The following PAPOLG variants were observed in gnomAD, a reference collection of about 807,000 sequenced individuals.
PAPOLG encodes PAP-gamma.
Under a neutral mutation model 99.0 loss-of-function variants are expected in PAPOLG, and 40 were observed. The observed-to-expected ratio is 0.40, with a 90% CI of 0.31 to 0.53. The LOEUF (loss-of-function observed/expected upper bound fraction) is 0.53, where lower values mean the gene tolerates loss of function less well. Among genes scored for constraint, PAPOLG ranks in the 20% least tolerant of loss-of-function variants. PAPOLG has a pLI of 0.41. For missense variants in PAPOLG, 675 were observed against 884.1 expected (o/e 0.76, Z 3.00); for synonymous variants, 310 against 299.3 (o/e 1.04, Z -0.37).
chr2:60,795,376 T>C (rs1473759376), intron 21 of PAPOLG: 9 of 441,288 alleles, frequency 2.0e-5, no homozygotes, highest in Non-Finnish European at 4.0e-5. Flanking sequence ...TGCCAAAACA[T>C]AGGTTTGATA....
rs1402139230 is a variant in PAPOLG, at chr2:60,760,154, A to G, written c.38A>G (p.Gln13Arg). ...AACAGAAACACCGTGCTGGACAGCC[A>G]GCGTCAACAAAAGCATTATGGAATT... ...EMSANTVLDS[Q>R]RQQKHYGITS... is the part of the protein sequence containing the mutation. Residue 13 changes from glutamine to arginine, a missense_variant, in exon 2 of 22, where the codon CAG (glutamine) becomes CGG (arginine). By Grantham distance (43) the Gln-to-Arg change is conservative. Transcript: ENST00000238714. 1 of 1,613,998 alleles carries G rather than the reference A, an allele frequency of 6.2e-7. No individual in the cohort carries two copies. The highest frequency in any genetic ancestry group is 8.5e-7 in the Non-Finnish European group (1 of 1,179,998).
Position 60,797,190 on chromosome 2 carries a change from G to A in PAPOLG, c.*30G>A, listed in dbSNP as rs1158376311. The A allele has an allele frequency of 6.2e-7, 1 of 1,611,676 alleles. No individual in the cohort carries two copies. The highest frequency in any genetic ancestry group is 1.7e-5 in the Admixed American group (1 of 59,914). Reference sequence around the variant, plus strand: ...AGTGCCTCCTCACTTAAGTGAACAAGCAATCATTTAGTGGCATAGATGCAG... The same window carrying A: ...AGTGCCTCCTCACTTAAGTGAACAAACAATCATTTAGTGGCATAGATGCAG... On this transcript the variant is annotated 3_prime_UTR_variant, in exon 22 of 22. Coordinates refer to ENST00000238714, the MANE Select transcript of PAPOLG (RefSeq NM_022894.4).
intron 3 of PAPOLG, among the ~76,000 whole-genome samples, chr2:60,767,688 C>T (rs1670722188): frequency 6.6e-6 from 1 of 152,112 alleles, no homozygotes; most frequent in African/African-American, 2.4e-5. Flanking sequence ...AGGAATGACT[C>T]CGTTCTTACA....
intron 3 of PAPOLG, among the ~76,000 whole-genome samples, chr2:60,762,799 G>T (rs1670558904): frequency 6.6e-6 from 1 of 151,572 alleles, no homozygotes; most frequent in South Asian, 2.1e-4. Flanking sequence ...GCTAATTTTT[G>T]TATTTTTAGT....
At chr2:60,758,537 C>T (rs1200328966) in intron 1 of PAPOLG, among the ~76,000 whole-genome samples, 1 of 151,106 alleles carries the variant, frequency 6.6e-6, no homozygotes, top group East Asian at 1.9e-4. Context: ...AAGCGAATCT[C>T]CTGCCTCAGC....
intron 7 of PAPOLG, 41 bp downstream of exon 7, chr2:60,771,671 C>G (rs368404299): frequency 7.6e-5 from 120 of 1,572,756 alleles, no homozygotes; most frequent in Non-Finnish European, 9.1e-5. Flanking sequence ...TGCTTCAGAA[C>G]AATTAGAGAA....
intron 21 of PAPOLG, among the ~76,000 whole-genome samples, chr2:60,796,234 TGG>T (rs1450180466): frequency 1.5e-4 from 14 of 94,378 alleles, no homozygotes; most frequent in Admixed American, 2.1e-4. Context: ...TTTTTTTTTT[TGG>T]ACATGGAGGC....
At chr2:60,789,963 G>A (rs554299384) in intron 15 of PAPOLG, among the ~76,000 whole-genome samples, 2 of 152,214 alleles carry the variant, frequency 1.3e-5, no homozygotes, top group South Asian at 4.1e-4. Flanking sequence ...GTGTGGTGGC[G>A]GGTGCCTGTA....
In PAPOLG at chr2:60,797,109, A is replaced by T. The variant is rs1558726334; in HGVS notation, c.2160A>T (p.Ala720=). Residue 720 remains alanine, a synonymous_variant, in exon 22 of 22, where the codon GCA becomes GCT. Transcript: ENST00000238714. ...ELPDSSSPVP[A]NNIRVIKNSI... ...CAGATTCATCATCTCCAGTTCCAGC[A>T]AACAACATCCGTGTCATCAAAAATT... 1 of 1,614,110 alleles carries T rather than the reference A, an allele frequency of 6.2e-7. No homozygotes were observed. Among genetic ancestry groups the T allele is most frequent in the African/African-American group, 1.3e-5 (1 of 75,062 alleles).
chr2:60,776,573 A>G (rs1008982340), intron 8 of PAPOLG, among the ~76,000 whole-genome samples: 2 of 151,934 alleles, frequency 1.3e-5, no homozygotes, highest in African/African-American at 4.8e-5. Flanking sequence ...AATTACAGGC[A>G]TGTGCCACCA....
At chr2:60,796,938 A>G in intron 21 of PAPOLG, 124 bp from the exon 22 acceptor site, 1 of 1,174,396 alleles carries the variant, frequency 8.5e-7, no homozygotes. Context: ...TGCATACTTG[A>G]GTGTTTAGGA....
intron 13 of PAPOLG, 62 bp from the exon 14 acceptor site, chr2:60,786,885 T>C: frequency 6.4e-7 from 1 of 1,556,664 alleles, no homozygotes; most frequent in East Asian, 2.3e-5. Context: ...TTTGGTTTAC[T>C]TGAGTGTAGC....
intron 19 of PAPOLG, 136 bp downstream of exon 19, chr2:60,794,327 A>G (rs1312086154): frequency 2.2e-6 from 2 of 894,320 alleles, no homozygotes; most frequent in African/African-American, 3.4e-5. Flanking sequence ...TTAAAGAAAC[A>G]ATATTAATTG....
chr2:60,774,405 G>T (rs1177530015), intron 7 of PAPOLG, among the ~76,000 whole-genome samples: 13 of 144,446 alleles, frequency 9.0e-5, no homozygotes. Flanking sequence ...TCACTCTATT[G>T]CCCAGGCTGG....
chr2:60,795,549 T>A (rs556919836), intron 21 of PAPOLG, among the ~76,000 whole-genome samples: 1 of 152,148 alleles, frequency 6.6e-6, no homozygotes, highest in Non-Finnish European at 1.5e-5. Flanking sequence ...TTAAGTGTGG[T>A]ATGCTAAAAA....
intron 13 of PAPOLG, among the ~76,000 whole-genome samples, chr2:60,784,064 C>G (rs930111777): frequency 1.3e-5 from 2 of 152,222 alleles, no homozygotes; most frequent in African/African-American, 4.8e-5. Flanking sequence ...ACCTCCGCCT[C>G]CCGGGTTCAA....
intron 13 of PAPOLG, among the ~76,000 whole-genome samples, chr2:60,784,121 C>T (rs1473890023): frequency 6.6e-6 from 1 of 152,020 alleles, no homozygotes; most frequent in Admixed American, 6.6e-5. Context: ...TACAAGCACC[C>T]ACCACCACGC....
intron 1 of PAPOLG, among the ~76,000 whole-genome samples, chr2:60,758,153 A>G (rs912031462): frequency 3.9e-5 from 6 of 152,172 alleles, no homozygotes; most frequent in African/African-American, 1.4e-4. Flanking sequence ...CACTTACCGT[A>G]TATATTTACA....
intron 2 of PAPOLG, among the ~76,000 whole-genome samples, chr2:60,760,606 G>A (rs991350992): frequency 6.6e-6 from 1 of 152,176 alleles, no homozygotes; most frequent in Admixed American, 6.6e-5. Context: ...AGATGAAGGA[G>A]GGAGCCATGT....
Sources: gnomAD v4.1 joint callset for allele counts (sites outside exome capture counted in the v4.1 genomes callset) on GRCh38, gnomAD v4.1.1 for gene constraint, MANE v1.5 for transcripts, NCBI Gene and HGNC (gene_info 2026-07-23, HGNC 2026-07-21) for gene names.